The following TASL variants were observed in gnomAD, a reference collection of about 807,000 sequenced individuals.
The protein encoded by TASL is TLR adapter interacting with SLC15A4 on the lysosome.
TASL carries 6 observed loss-of-function variants against 12.9 expected under a neutral mutation model. That is an observed-to-expected ratio of 0.46 (90% CI 0.25 to 0.92). The LOEUF (loss-of-function observed/expected upper bound fraction) is 0.92, where lower values mean the gene tolerates loss of function less well. Ranked by LOEUF, TASL falls within the 40% of genes least tolerant of loss-of-function variation. The pLI, the probability that TASL is intolerant of heterozygous loss-of-function variation, is 0.17. For missense variants in TASL, 165 were observed against 212.8 expected, an observed-to-expected ratio of 0.78 and a Z score of 1.40; for synonymous variants, 85 against 79.3, an observed-to-expected ratio of 1.07 and a Z score of -0.38.
intron 1 of TASL, among the ~76,000 whole-genome samples, chrX:30,577,226 AGCTGTGTTGTCCCT>A (rs1458637355): frequency 8.0e-5 from 9 of 112,386 alleles, no homozygotes; most frequent in African/African-American, 2.9e-4. Context: ...TGAATTCAAG[AGCTGTGTTGTCCCT>A]GCAAAACCCT....
At chrX:30,562,915 C>T (rs1930447392) in intron 2 of TASL, among the ~76,000 whole-genome samples, 1 of 107,033 alleles carries the variant, frequency 9.3e-6, no homozygotes, top group Non-Finnish European at 1.9e-5. Context: ...CACACACACA[C>T]ACACACACAC....
Position 30,570,878 on chromosome X carries a change from C to A in TASL, c.-2+5874G>T, listed in dbSNP as rs142552630. Among the ~76,000 whole-genome samples, 152 of 111,463 alleles carry A rather than the reference C, an allele frequency of 1.4e-3. 1 individual carries two copies. Among genetic ancestry groups the A allele is most frequent in the African/African-American group, 4.6e-3 (142 of 30,679 alleles). On this transcript the variant is annotated intron_variant, in intron 2 of 2. Coordinates refer to ENST00000378962, the MANE Select transcript of TASL (RefSeq NM_025159.3). ...CTTCAATTCATCTTCCACTTTAATG[C>A]ACTTAAAAGGGCCCATTCAAGGCCG...
rs1339841961 is a variant in TASL at position 30,560,237 on chromosome X, G to A, written c.119C>T (p.Thr40Ile). 1.5e-5 allele frequency: 18 copies of A among 1,209,064 alleles called. No homozygotes were observed. The highest frequency in any genetic ancestry group is 3.5e-5 in the African/African-American group (2 of 57,014). ...EKEEETNSVA[T>I]LSYSSVDETQ... ...TTCATCCACAGAGGAATAGGAAAGG[G>A]TAGCAACAGAATTTGTCTCCTCTTC... Residue 40 changes from threonine to isoleucine, a missense_variant, in exon 3 of 3, where the codon ACC becomes ATC. Coordinates refer to ENST00000378962, the MANE Select transcript of TASL (RefSeq NM_025159.3).
intron 2 of TASL, among the ~76,000 whole-genome samples, chrX:30,564,289 C>G (rs775976184): frequency 9.0e-6 from 1 of 111,023 alleles, no homozygotes; most frequent in East Asian, 2.8e-4. Context: ...AGGACCAGTC[C>G]AGGAGATCTA....
intron 2 of TASL, among the ~76,000 whole-genome samples, chrX:30,570,650 T>A (rs1308202598): frequency 1.3e-4 from 15 of 111,634 alleles, no homozygotes; most frequent in Admixed American, 1.2e-3. Flanking sequence ...TGAATGAGAT[T>A]ATGAAGAATA....
chrX:30,560,962 G>T (rs1345710237), intron 2 of TASL, among the ~76,000 whole-genome samples: 1 of 111,542 alleles, frequency 9.0e-6, no homozygotes, highest in African/African-American at 3.3e-5. Context: ...AGATTGGAGA[G>T]AAACATGGCT....
intron 2 of TASL, among the ~76,000 whole-genome samples, chrX:30,569,709 A>T (rs1930561996): frequency 9.0e-6 from 1 of 111,730 alleles, no homozygotes; most frequent in Non-Finnish European, 1.9e-5. Context: ...TGAACAAGTC[A>T]CATTTTAAAA....
chrX:30,576,966 G>A (rs1052308568), intron 1 of TASL, 100 bp from the exon 2 acceptor site: 2 of 112,231 alleles, frequency 1.8e-5, no homozygotes, highest in Non-Finnish European at 3.8e-5. Flanking sequence ...GAATGTTTGA[G>A]CGAGTCTAAA....
chrX:30,574,709 C>A (rs1215384674), intron 2 of TASL, among the ~76,000 whole-genome samples: 1 of 112,185 alleles, frequency 8.9e-6, no homozygotes, highest in South Asian at 3.7e-4. Flanking sequence ...TACCTGTCAA[C>A]ATGTCTGCTT....
chrX:30,574,569 G>A (rs1269623475), intron 2 of TASL, among the ~76,000 whole-genome samples: 1 of 111,123 alleles, frequency 9.0e-6, no homozygotes, highest in African/African-American at 3.3e-5. Context: ...AAAACTATTA[G>A]TGGCCACACA....
At chrX:30,571,290 G>GAA (rs773289094) in intron 2 of TASL, among the ~76,000 whole-genome samples, 4 of 43,127 alleles carry the variant, frequency 9.3e-5, no homozygotes, top group South Asian at 3.5e-3. Flanking sequence ...AAGAAAGAAA[G>GAA]AAAGAAAGAA....
chrX:30,569,025 G>T (rs1245761366), intron 2 of TASL, among the ~76,000 whole-genome samples: 2 of 109,592 alleles, frequency 1.8e-5, no homozygotes, highest in East Asian at 5.6e-4. Context: ...GGGAGATAAG[G>T]TCAGGTCAGG....
intron 2 of TASL, among the ~76,000 whole-genome samples, chrX:30,568,676 C>T (rs1930539108): frequency 9.0e-6 from 1 of 110,975 alleles, no homozygotes; most frequent in Non-Finnish European, 1.9e-5. Context: ...AACAATCAAC[C>T]CTAACAGAGT....
At chrX:30,575,777 G>A (rs949918288) in intron 2 of TASL, among the ~76,000 whole-genome samples, 16 of 111,544 alleles carry the variant, frequency 1.4e-4, no homozygotes, top group Admixed American at 1.1e-3. Flanking sequence ...TTCCAAGGAC[G>A]ATCTGATGTG....
In TASL at chrX:30,577,761, T is replaced by G. The variant is rs1328597618; in HGVS notation, c.-240A>C. The stretch of plus-strand genomic sequence containing the variant: ...ACAAGCCTTTCACTGATGAGACCAG[T>G]AGACTGAGCTGCTCAGTGCAAAGCC... On this transcript the variant is annotated 5_prime_UTR_variant, in exon 1 of 3. Coordinates refer to ENST00000378962, the MANE Select transcript of TASL (RefSeq NM_025159.3). 1 of 112,173 alleles carries G rather than the reference T, an allele frequency of 8.9e-6. No homozygotes were observed. Among genetic ancestry groups the G allele is most frequent in the Non-Finnish European group, 1.9e-5 (1 of 53,288 alleles). The allele number at this position is 112,173 out of a possible 1,213,427, so 9.2% of individuals were successfully genotyped here. A position where few individuals can be genotyped will look rare whatever the true frequency, so the allele number is the denominator to read the frequency against.
chrX:30,561,879 G>A (rs1327321770), intron 2 of TASL, among the ~76,000 whole-genome samples: 6 of 105,711 alleles, frequency 5.7e-5, no homozygotes, highest in Non-Finnish European at 9.7e-5. Flanking sequence ...AAAAAAAGTT[G>A]TCCTCTCCTT....
intron 2 of TASL, among the ~76,000 whole-genome samples, chrX:30,561,905 G>C (rs1327930572): frequency 9.2e-6 from 1 of 108,202 alleles, no homozygotes; most frequent in Non-Finnish European, 1.9e-5. Flanking sequence ...TCTATGTGAA[G>C]TTCTGCCCTC....
intron 2 of TASL, among the ~76,000 whole-genome samples, chrX:30,567,232 T>C (rs1166137840): frequency 9.4e-6 from 1 of 106,136 alleles, no homozygotes; most frequent in Non-Finnish European, 1.9e-5. Context: ...GCTGTGATTG[T>C]GCCACTGCAC....
At chrX:30,562,281 C>A (rs1329511590) in intron 2 of TASL, among the ~76,000 whole-genome samples, 1 of 111,953 alleles carries the variant, frequency 8.9e-6, no homozygotes, top group Admixed American at 9.5e-5. Flanking sequence ...CTTAAGTAGA[C>A]TGAGTCCCCC....
Sources: allele counts gnomAD v4.1 joint callset (sites outside exome capture counted in the v4.1 genomes callset), GRCh38; gene constraint gnomAD v4.1.1; transcripts MANE v1.5; gene names NCBI Gene and HGNC (gene_info 2026-07-23, HGNC 2026-07-21).